Variants in CDK16 observed in about 807,000 individuals in gnomAD.
CDK16 encodes cyclin-dependent kinase 16.
A neutral mutation model predicts 41.6 loss-of-function variants in CDK16; 2 were observed. The observed-to-expected ratio is 0.05, with a 90% CI of 0.02 to 0.15. CDK16 has a LOEUF of 0.15. CDK16 is among the 10% of genes least tolerant of loss of function. The probability of loss-of-function intolerance (pLI) is 1.00; values close to 1 mark genes in which losing one functional copy is unlikely to be tolerated. For missense variants in CDK16, 228 were observed against 428.9 expected, an observed-to-expected ratio of 0.53 and a Z score of 4.14; for synonymous variants, 169 against 169.7, an observed-to-expected ratio of 1.00 and a Z score of 0.03.
intron 1 of CDK16, chrX:47,222,961 C>T: frequency 2.7e-6 from 2 of 753,694 alleles, no homozygotes; most frequent in South Asian, 6.6e-5. Context: ...CTCCCCTCCC[C>T]CCCCCCACCT....
intron 1 of CDK16, chrX:47,222,112 C>T (rs1288873338): frequency 8.9e-6 from 1 of 112,044 alleles, no homozygotes; most frequent in Non-Finnish European, 1.9e-5. Flanking sequence ...ATCTTCCTGT[C>T]GATGCCAGCA....
At chrX:47,223,493 C>G (rs1490770016) in intron 1 of CDK16, 59 bp from the exon 2 acceptor site, 5 of 1,121,472 alleles carry the variant, frequency 4.5e-6, no homozygotes, top group Non-Finnish European at 6.1e-6. Context: ...TTTAGGGAAC[C>G]CATGGTGATC....
At position 47,218,779 on chromosome X, in the gene CDK16, C is replaced by A; in HGVS notation, c.-333C>A. The A allele has an allele frequency of 8.7e-7, 1 of 1,155,239 alleles. No homozygotes were observed. The highest frequency in any genetic ancestry group is 1.9e-5 in the South Asian group (1 of 52,596). ...TTCGGCCCTGGGATCCGCCGCCACTCCGCGATCAGACCGCTCTGTGCCGCG... is the reference window on the plus strand; with the variant it reads ...TTCGGCCCTGGGATCCGCCGCCACTACGCGATCAGACCGCTCTGTGCCGCG... On this transcript the variant is annotated 5_prime_UTR_variant, in exon 1 of 16. Coordinates refer to ENST00000357227, the MANE Select transcript of CDK16 (RefSeq NM_006201.5).
At position 47,218,689 on chromosome X, in the gene CDK16, C is replaced by G; in HGVS notation, c.-423C>G. 8.6e-7 allele frequency: 1 copy of G among 1,166,428 alleles called. No individual in the cohort carries two copies. The highest frequency in any genetic ancestry group is 1.1e-6 in the Non-Finnish European group (1 of 872,664). ...GGTGAGTCCCCTCCTTTCCACTTCA[C>G]CCTTCCGAGCGCCTGCGTGCGCATG... is the stretch of plus-strand genomic sequence containing the variant. On this transcript the variant is annotated 5_prime_UTR_variant, in exon 1 of 16. Transcript: ENST00000357227.
At chrX:47,223,182 C>T in intron 1 of CDK16, 1 of 1,157,195 alleles carries the variant, frequency 8.6e-7, no homozygotes, top group Non-Finnish European at 1.1e-6. Flanking sequence ...CTGGGCCCAT[C>T]ACTGCAGCTG....
intron 2 of CDK16, 130 bp downstream of exon 2, chrX:47,223,889 C>T (rs2147327066): frequency 1.9e-6 from 1 of 523,085 alleles, no homozygotes; most frequent in African/African-American, 2.4e-5. Context: ...TCTCTTCTCC[C>T]CCTTCCCTCC....
chrX:47,223,701 C>G lies in CDK16; in HGVS notation c.144C>G (p.Pro48=). 1.7e-6 allele frequency: 2 copies of G among 1,210,509 alleles called. No homozygotes were observed. Among genetic ancestry groups the G allele is most frequent in the Non-Finnish European group, 2.2e-6 (2 of 894,931 alleles). Residue 48 remains proline (P), a synonymous_variant, in exon 2 of 16, where the codon CCC becomes CCG. Transcript: ENST00000357227. ...GGGGSDPGEA[P]TRAAPGELRS... is the part of the protein sequence containing the mutation. The stretch of plus-strand genomic sequence containing the variant: ...GCGGCAGTGACCCTGGAGAGGCCCC[C>G]ACACGTGCTGCTCCTGGGGAACTTC...
rs930119239 is a variant in CDK16 at position 47,223,037 on chromosome X, G to T, written c.-6-515G>T. On this transcript the variant is annotated intron_variant, in intron 1 of 15. Transcript: ENST00000357227. ...GAGTGCTAGAGAAGTCAGGAAGAGG[G>T]TCCCTGTGGCCACAGGGAATAGTCT... 11 of 1,134,424 alleles carry T rather than the reference G, an allele frequency of 9.7e-6. No homozygotes were observed. The African/African-American group carries it at 2.0e-4, about 21-fold the overall frequency. 93.5% of individuals were successfully genotyped at this position (1,134,424 alleles called of 1,213,427 possible). A position where few individuals can be genotyped will look rare whatever the true frequency, so the allele number is the denominator to read the frequency against.
Position 47,219,056 on chromosome X carries a change from C to A in CDK16, c.-56C>A. On this transcript the variant is annotated 5_prime_UTR_variant, in exon 1 of 16. Transcript: ENST00000357227. ...CCTCATCCCGGGCCGCCGCCCCAGG[C>A]GCCGCCGCGCCGGCCCCGCGGCTCT... 1.2e-6 allele frequency: 1 copy of A among 819,769 alleles called. No individual in the cohort carries two copies. The highest frequency in any genetic ancestry group is 1.5e-6 in the Non-Finnish European group (1 of 683,567). The allele number at this position is 819,769 out of a possible 1,213,427, so 67.6% of individuals were successfully genotyped here.
chrX:47,224,567 C>T, intron 3 of CDK16, 49 bp downstream of exon 3: 8 of 1,209,097 alleles, frequency 6.6e-6, no homozygotes, highest in Non-Finnish European at 8.9e-6. Context: ...GGGGGTTGGA[C>T]CTGGGGAGGT....
intron 1 of CDK16, chrX:47,223,198 GAGA>G: frequency 8.6e-7 from 1 of 1,156,761 alleles, no homozygotes; most frequent in Non-Finnish European, 1.1e-6. Context: ...AGCTGTACCT[GAGA>G]AGATCTGCAA....
At position 47,228,759 on chromosome X, in the gene CDK16, C is replaced by G. The variant is rs143590243; in HGVS notation, c.1482C>G (p.Thr494=). 62 of 1,208,311 alleles carry G rather than the reference C, an allele frequency of 5.1e-5. No homozygotes were observed. The African/African-American group carries it at 9.5e-4, about 18-fold the overall frequency. ...GGCCAGCTTTCCGCGTGGTGGACACCGAGTTCTAAGCCACAGACCGAGGCC... is the reference window on the plus strand; with the variant it reads ...GGCCAGCTTTCCGCGTGGTGGACACGGAGTTCTAAGCCACAGACCGAGGCC... The part of the protein sequence containing the change: ...SGRPAFRVVD[T]EF The change falls in exon 16 of 16, where the codon ACC becomes ACG. Residue 494 remains threonine, a synonymous_variant. Transcript: ENST00000357227.
Position 47,218,684 on chromosome X carries a change from C to A in CDK16, c.-428C>A. On this transcript the variant is annotated 5_prime_UTR_variant, in exon 1 of 16. Coordinates refer to ENST00000357227, the MANE Select transcript of CDK16 (RefSeq NM_006201.5). The stretch of plus-strand genomic sequence containing the variant: ...TCCGAGGTGAGTCCCCTCCTTTCCA[C>A]TTCACCCTTCCGAGCGCCTGCGTGC... 2 of 1,167,037 alleles carry A rather than the reference C, an allele frequency of 1.7e-6. No homozygotes were observed. The highest frequency in any genetic ancestry group is 1.8e-5 in the African/African-American group (1 of 56,299).
At position 47,228,548 on chromosome X, in the gene CDK16, A is replaced by G. The variant is rs777902337; in HGVS notation, c.1376-19A>G. The G allele has an allele frequency of 1.4e-5, 17 of 1,193,102 alleles. No homozygotes were observed. The highest frequency in any genetic ancestry group is 1.8e-5 in the Non-Finnish European group (16 of 880,084). ...ACCTCATGGGTCATCCCCCACTTCT[A>G]TGTCTCCCCCATCTGTAGCTACTTC... is the stretch of plus-strand genomic sequence containing the variant. On this transcript the variant is annotated intron_variant, in intron 14 of 15. Coordinates refer to ENST00000357227, the MANE Select transcript of CDK16 (RefSeq NM_006201.5).
chrX:47,219,140 C>T (rs1556796451), intron 1 of CDK16, 35 bp downstream of exon 1: 1 of 796,654 alleles, frequency 1.3e-6, no homozygotes, highest in East Asian at 1.4e-4. Context: ...GGCTGCCCCT[C>T]CTCCTTCAGA....
intron 9 of CDK16, 30 bp from the exon 10 acceptor site, chrX:47,226,553 C>T (rs369532554): frequency 1.5e-4 from 186 of 1,204,825 alleles, no homozygotes; most frequent in Middle Eastern, 2.3e-4. Flanking sequence ...ATGACTCCCT[C>T]ATTCTAGCTG....
intron 14 of CDK16, 102 bp downstream of exon 14, chrX:47,227,571 A>G (rs974828821): frequency 3.8e-6 from 2 of 529,505 alleles, no homozygotes; most frequent in Admixed American, 3.0e-5. Flanking sequence ...TGCCACCTCT[A>G]CGTGGGGGGA....
In CDK16 at chrX:47,218,834, G is replaced by A; in HGVS notation, c.-278G>A. ...GCCGTGAGCACTCGGATTCAAGCCG[G>A]CGCCAACGAGTCCGGGGGCATCGCC... On this transcript the variant is annotated 5_prime_UTR_variant, in exon 1 of 16. Coordinates refer to ENST00000357227, the MANE Select transcript of CDK16 (RefSeq NM_006201.5). The A allele has an allele frequency of 8.8e-7, 1 of 1,139,908 alleles. No homozygotes were observed. Among genetic ancestry groups the A allele is most frequent in the Non-Finnish European group, 1.2e-6 (1 of 864,116 alleles). The allele number at this position is 1,139,908 out of a possible 1,213,427, so 93.9% of individuals were successfully genotyped here.
At chrX:47,219,493 C>T (rs781864952) in intron 1 of CDK16, among the ~76,000 whole-genome samples, 19 of 106,513 alleles carry the variant, frequency 1.8e-4, no homozygotes, top group African/African-American at 6.2e-4. Flanking sequence ...GGGCGGGGTG[C>T]GGAGCGGGTG....
Sources: allele counts gnomAD v4.1 joint callset (sites outside exome capture counted in the v4.1 genomes callset), GRCh38; gene constraint gnomAD v4.1.1; transcripts MANE v1.5; gene names NCBI Gene and HGNC (gene_info 2026-07-23, HGNC 2026-07-21).